STXBP6: variants seen among roughly 807,000 people sequenced by gnomAD.
The protein encoded by STXBP6 is syntaxin-binding protein 6.
In STXBP6, 21 loss-of-function variants were observed where a neutral mutation model predicts 26.9. The ratio of observed to expected loss-of-function variants is 0.78; its 90% CI spans 0.55 to 1.12. STXBP6 has a LOEUF of 1.12. Among genes scored for constraint, STXBP6 ranks in the 50% most tolerant of loss-of-function variants. The pLI is 0.00. For synonymous variants in STXBP6, 97 were observed against 92.6 expected (o/e 1.05, Z -0.27); for missense variants, 232 against 257.9 (o/e 0.90, Z 0.69).
intron 2 of STXBP6, among the ~76,000 whole-genome samples, chr14:24,950,033 T>A (rs1350689332): frequency 6.6e-6 from 1 of 152,234 alleles, no homozygotes; most frequent in Non-Finnish European, 1.5e-5. Flanking sequence ...CTTCCTGATT[T>A]GCCAACTGAT....
intron 1 of STXBP6, among the ~76,000 whole-genome samples, chr14:25,040,108 T>C (rs2140501476): frequency 6.6e-6 from 1 of 152,282 alleles, no homozygotes; most frequent in South Asian, 2.1e-4. Context: ...CTCAGAGGCC[T>C]AGGGCTAGAG....
At chr14:24,904,077 G>C (rs563400292) in intron 2 of STXBP6, among the ~76,000 whole-genome samples, 4 of 152,256 alleles carry the variant, frequency 2.6e-5, no homozygotes, top group Non-Finnish European at 5.9e-5. Context: ...TGGCTTCAGG[G>C]TATAGGCAAA....
chr14:24,822,071 G>A (rs892344796), intron 4 of STXBP6, among the ~76,000 whole-genome samples: 2 of 152,040 alleles, frequency 1.3e-5, no homozygotes, highest in Non-Finnish European at 2.9e-5. Context: ...CTGAGCTCCA[G>A]GCCCATAGGT....
In STXBP6 at chr14:25,007,891, A is replaced by C. The variant is rs1054895783; in HGVS notation, c.-32-33041T>G. 3.9e-5 allele frequency among the ~76,000 whole-genome samples: 6 copies of C among 152,274 alleles called. No homozygotes were observed. In the East Asian group the frequency reaches 1.2e-3, roughly 29 times the overall value. ...AAACCTGTCATTGTTCTACCATCTT[A>C]AAGTCTCCAAATAAACTGAGAATGG... is the stretch of plus-strand genomic sequence containing the variant. On this transcript the variant is annotated intron_variant, in intron 1 of 5. Transcript: ENST00000323944.
chr14:24,877,953 T>C (rs2070207016), intron 2 of STXBP6, among the ~76,000 whole-genome samples: 1 of 152,184 alleles, frequency 6.6e-6, no homozygotes, highest in African/African-American at 2.4e-5. Flanking sequence ...ATTTGAGAGA[T>C]GAGAAATTAT....
intron 2 of STXBP6, among the ~76,000 whole-genome samples, chr14:24,936,561 A>T (rs2072606091): frequency 6.6e-6 from 1 of 152,240 alleles, no homozygotes; most frequent in African/African-American, 2.4e-5. Flanking sequence ...CTGATTGTCA[A>T]AAGGTACTAT....
At chr14:25,000,217 C>T (rs949195659) in intron 1 of STXBP6, among the ~76,000 whole-genome samples, 24 of 152,084 alleles carry the variant, frequency 1.6e-4, no homozygotes, top group African/African-American at 5.3e-4. Flanking sequence ...CGCCTGCCAC[C>T]ACGCCTGGCT....
intron 1 of STXBP6, among the ~76,000 whole-genome samples, chr14:25,031,775 T>C (rs546143679): frequency 8.2e-4 from 125 of 151,592 alleles, no homozygotes; most frequent in African/African-American, 2.9e-3. Context: ...CAAATGAAGA[T>C]AATTTGGCAC....
chr14:24,949,197 C>T (rs142861680), intron 2 of STXBP6, among the ~76,000 whole-genome samples: 1,898 of 152,216 alleles, frequency 0.012, 35 homozygotes, highest in African/African-American at 0.044. Context: ...TTACACAATG[C>T]CAGTATTTTA....
intron 2 of STXBP6, among the ~76,000 whole-genome samples, chr14:24,865,866 T>A (rs941772764): frequency 1.3e-5 from 2 of 152,134 alleles, no homozygotes; most frequent in Admixed American, 6.6e-5. Context: ...GAAAGTGAAC[T>A]ATTGGACAGT....
intron 2 of STXBP6, among the ~76,000 whole-genome samples, chr14:24,861,715 G>C (rs2069544832): frequency 6.6e-6 from 1 of 151,420 alleles, no homozygotes; most frequent in Non-Finnish European, 1.5e-5. Flanking sequence ...ATAGTTAGTG[G>C]GAAATGGAGC....
chr14:24,939,409 A>T (rs2072720652), intron 2 of STXBP6, among the ~76,000 whole-genome samples: 1 of 152,186 alleles, frequency 6.6e-6, no homozygotes, highest in Non-Finnish European at 1.5e-5. Flanking sequence ...TTTTAGCAAA[A>T]GGTTCAATTA....
intron 2 of STXBP6, among the ~76,000 whole-genome samples, chr14:24,952,270 T>A (rs568513074): frequency 6.6e-6 from 1 of 151,248 alleles, no homozygotes. Flanking sequence ...TTCAGGCTGC[T>A]CTGCTTAGGG....
chr14:24,980,548 C>T (rs1040779709), intron 1 of STXBP6, among the ~76,000 whole-genome samples: 1 of 152,176 alleles, frequency 6.6e-6, no homozygotes, highest in South Asian at 2.1e-4. Context: ...AGACAGGTAA[C>T]TTTAATCTGG....
At chr14:25,040,511 G>A (rs961456766) in intron 1 of STXBP6, among the ~76,000 whole-genome samples, 1 of 152,160 alleles carries the variant, frequency 6.6e-6, no homozygotes, top group Non-Finnish European at 1.5e-5. Context: ...TGTGTTGTAG[G>A]ATTAAAGGAA....
chr14:24,852,908 C>A (rs1243513518), intron 4 of STXBP6, among the ~76,000 whole-genome samples: 1 of 152,112 alleles, frequency 6.6e-6, no homozygotes, highest in African/African-American at 2.4e-5. Context: ...GGCATCTTAT[C>A]TTTACGACTT....
At chr14:24,975,699 A>C (rs1476594008) in intron 1 of STXBP6, among the ~76,000 whole-genome samples, 1 of 152,192 alleles carries the variant, frequency 6.6e-6, no homozygotes, top group Non-Finnish European at 1.5e-5. Flanking sequence ...CCCAGAACAC[A>C]CACATACATA....
intron 1 of STXBP6, among the ~76,000 whole-genome samples, chr14:25,031,649 A>T (rs1055541043): frequency 6.6e-6 from 1 of 152,232 alleles, no homozygotes; most frequent in Non-Finnish European, 1.5e-5. Flanking sequence ...ATGCAAATGC[A>T]AACTTACAAA....
chr14:24,928,650 A>C (rs1218386690), intron 2 of STXBP6, among the ~76,000 whole-genome samples: 1 of 152,166 alleles, frequency 6.6e-6, no homozygotes, highest in Non-Finnish European at 1.5e-5. Context: ...CACAGAGCCG[A>C]AATCATTTAG....
Sources: gnomAD v4.1 joint callset for allele counts (sites outside exome capture counted in the v4.1 genomes callset) on GRCh38, gnomAD v4.1.1 for gene constraint, MANE v1.5 for transcripts, NCBI Gene and HGNC (gene_info 2026-07-23, HGNC 2026-07-21) for gene names.